SND1: variants seen among roughly 807,000 people sequenced by gnomAD.
SND1 encodes staphylococcal nuclease and tudor domain containing 1, also known as staphylococcal nuclease domain-containing protein 1.
A neutral mutation model predicts 121.7 loss-of-function variants in SND1; 38 were observed. The ratio of observed to expected loss-of-function variants is 0.31; its 90% CI spans 0.24 to 0.41. The LOEUF (loss-of-function observed/expected upper bound fraction) is 0.41. SND1 is among the 10% of genes least tolerant of loss of function. SND1 has a pLI of 1.00. For synonymous variants in SND1, 401 were observed against 447.4 expected (o/e 0.90, Z 1.31); for missense variants, 868 against 1,184.6 (o/e 0.73, Z 3.92).
At chr7:128,075,197 AG>A (rs11432179) in intron 17 of SND1, among the ~76,000 whole-genome samples, 57,256 of 152,012 alleles carry the variant, frequency 0.38, 11,221 homozygotes, top group African/African-American at 0.45. Context: ...TGAAGAGACA[AG>A]GGGGATGGGG....
At chr7:128,067,763 T>C (rs953780726) in intron 16 of SND1, among the ~76,000 whole-genome samples, 1 of 152,082 alleles carries the variant, frequency 6.6e-6, no homozygotes, top group Non-Finnish European at 1.5e-5. Flanking sequence ...GTATCTCTTC[T>C]CCATCCTCCC....
intron 10 of SND1, among the ~76,000 whole-genome samples, chr7:127,759,099 T>TAGATAGATAGGC (rs1268977068): frequency 2.5e-4 from 38 of 152,016 alleles, no homozygotes; most frequent in African/African-American, 7.0e-4. Context: ...GATAGATAGA[T>TAGATAGATAGGC]AGGCAGGCAG....
chr7:127,755,196 C>G (rs986310170), intron 10 of SND1, among the ~76,000 whole-genome samples: 2 of 152,126 alleles, frequency 1.3e-5, no homozygotes, highest in African/African-American at 4.8e-5. Context: ...AACTCTTCAC[C>G]GTATCATTAC....
At chr7:127,925,926 A>G (rs2116811822) in intron 14 of SND1, among the ~76,000 whole-genome samples, 2 of 149,510 alleles carry the variant, frequency 1.3e-5, no homozygotes, top group South Asian at 4.2e-4. Context: ...TTTTTTTTTT[A>G]AGAGAGAAAA....
chr7:128,005,471 C>T (rs1301408802), intron 16 of SND1, among the ~76,000 whole-genome samples: 1 of 152,142 alleles, frequency 6.6e-6, no homozygotes, highest in Non-Finnish European at 1.5e-5. Flanking sequence ...TGTACAGTAT[C>T]GTTGAAAGGT....
Position 127,880,973 on chromosome 7 carries a change from C to T in SND1, c.1344-6929C>T, listed in dbSNP as rs146988029. ...TCTTAAATTCCCTTTCTAGAGATCT[C>T]ACCAGATAATCAGGAAAGATGTACC... On this transcript the variant is annotated intron_variant, in intron 12 of 23. Transcript: ENST00000354725. 9.1e-4 allele frequency among the ~76,000 whole-genome samples: 139 copies of T among 152,210 alleles called. 1 individual carries two copies. Among genetic ancestry groups the T allele is most frequent in the Middle Eastern group, 3.4e-3 (1 of 294 alleles).
chr7:127,950,950 CT>C (rs1264346293), intron 15 of SND1, among the ~76,000 whole-genome samples: 1 of 152,082 alleles, frequency 6.6e-6, no homozygotes, highest in African/African-American at 2.4e-5. Flanking sequence ...ATTTGGAACC[CT>C]TGTGCACTGT....
chr7:127,952,004 C>A (rs1405960590), intron 15 of SND1, among the ~76,000 whole-genome samples: 2 of 152,032 alleles, frequency 1.3e-5, no homozygotes, highest in Non-Finnish European at 2.9e-5. Context: ...CAGAATAAGC[C>A]CTTCCCCCTC....
chr7:127,709,972 C>A (rs965629116), intron 9 of SND1, among the ~76,000 whole-genome samples: 1 of 151,620 alleles, frequency 6.6e-6, no homozygotes, highest in Non-Finnish European at 1.5e-5. Context: ...AACACTATGA[C>A]TTGGCCTTGT....
chr7:127,754,051 A>AAC, intron 10 of SND1, among the ~76,000 whole-genome samples: 1 of 152,332 alleles, frequency 6.6e-6, no homozygotes, highest in East Asian at 1.9e-4. Context: ...AGTGAATTGG[A>AAC]ACTAGCATCC....
chr7:127,701,309 A>G lies in SND1; in HGVS notation c.575A>G (p.Gln192Arg). ...NPRHFVDSHH[Q>R]KPVNAIIEHV... ...AGGCACTTTGTGGACTCACACCACCAGAAGCCTGTTAATGGTGAGGCTGGT... is the reference window on the plus strand; with the variant it reads ...AGGCACTTTGTGGACTCACACCACCGGAAGCCTGTTAATGGTGAGGCTGGT... Residue 192 changes from glutamine to arginine, a missense_variant, in exon 5 of 24, where the codon CAG (glutamine) becomes CGG (arginine). Physicochemically the swap from Gln to Arg is conservative, Grantham distance 43. Around this residue, in one of 2 missense-constraint regions of SND1, gnomAD observed 743 missense variants for 1,071.3 expected, o/e 0.69. Transcript: ENST00000354725. 1 of 1,614,024 alleles carries G rather than the reference A, an allele frequency of 6.2e-7. No individual in the cohort carries two copies. Among genetic ancestry groups the G allele is most frequent in the Non-Finnish European group, 8.5e-7 (1 of 1,179,914 alleles).
chr7:127,947,846 T>C (rs1801363473), intron 15 of SND1, among the ~76,000 whole-genome samples: 1 of 152,202 alleles, frequency 6.6e-6, no homozygotes, highest in Admixed American at 6.5e-5. Context: ...TTCCCACCCA[T>C]CAGTGAATAG....
chr7:127,855,084 A>G (rs1051027526), intron 12 of SND1, among the ~76,000 whole-genome samples: 2 of 151,484 alleles, frequency 1.3e-5, no homozygotes, highest in African/African-American at 4.9e-5. Flanking sequence ...TAAGGTTGAG[A>G]TGAAGTCTAA....
intron 1 of SND1, among the ~76,000 whole-genome samples, chr7:127,671,536 G>A (rs1050773866): frequency 2.0e-5 from 3 of 152,096 alleles, no homozygotes; most frequent in Non-Finnish European, 4.4e-5. Context: ...TTGCTATGTT[G>A]CCCGGGCTGG....
chr7:127,740,317 AT>A, intron 10 of SND1, among the ~76,000 whole-genome samples: 1 of 152,220 alleles, frequency 6.6e-6, no homozygotes, highest in East Asian at 1.9e-4. Context: ...TAGCTTGGGT[AT>A]TTTTTTAAGC....
chr7:127,663,836 G>A (rs1324844204), intron 1 of SND1, among the ~76,000 whole-genome samples: 1 of 152,192 alleles, frequency 6.6e-6, no homozygotes, highest in East Asian at 1.9e-4. Flanking sequence ...TTCCTAAAGT[G>A]CAGATAGACA....
At chr7:127,801,988 C>T (rs1798139727) in intron 10 of SND1, among the ~76,000 whole-genome samples, 1 of 152,104 alleles carries the variant, frequency 6.6e-6, no homozygotes, top group South Asian at 2.1e-4. Context: ...ACTACAGGCA[C>T]CCACCACCAT....
chr7:127,922,067 T>G (rs1440933595), intron 14 of SND1, among the ~76,000 whole-genome samples: 1 of 151,944 alleles, frequency 6.6e-6, no homozygotes, highest in Non-Finnish European at 1.5e-5. Context: ...CACTGCTCAC[T>G]GTAGCCTCGA....
intron 16 of SND1, among the ~76,000 whole-genome samples, chr7:128,058,692 C>T (rs1018705139): frequency 6.6e-6 from 1 of 152,318 alleles, no homozygotes; most frequent in Non-Finnish European, 1.5e-5. Context: ...CTCCTTTGAT[C>T]GCTCTTGTAA....
Sources: gnomAD v4.1 joint callset for allele counts (sites outside exome capture counted in the v4.1 genomes callset) on GRCh38, gnomAD v4.1.1 for gene constraint, gnomAD v4.1.1 regional missense constraint, MANE v1.5 for transcripts, NCBI Gene and HGNC (gene_info 2026-07-23, HGNC 2026-07-21) for gene names.